Variants in GHR observed in about 807,000 individuals in gnomAD.
The protein encoded by GHR is growth hormone receptor, also known as GH receptor.
In GHR, 35 loss-of-function variants were observed where a neutral mutation model predicts 67.1. The observed-to-expected ratio is 0.52, with a 90% confidence interval of 0.40 to 0.69. GHR has a LOEUF of 0.69. Among genes scored for constraint, GHR ranks in the 30% least tolerant of loss-of-function variants. The pLI, the probability that GHR is intolerant of heterozygous loss-of-function variation, is 0.00. For missense variants in GHR, 792 were observed against 764.6 expected (o/e 1.04, Z -0.42); for synonymous variants, 272 against 269.1 (o/e 1.01, Z -0.10).
At position 42,431,700 on chromosome 5, in the gene GHR, C is replaced by A. The variant is rs564415824; in HGVS notation, c.-12+7745C>A. 3.3e-5 allele frequency among the ~76,000 whole-genome samples: 5 copies of A among 152,220 alleles called. No homozygotes were observed. The South Asian group carries it at 6.2e-4, about 19-fold the overall frequency. On this transcript the variant is annotated intron_variant, in intron 1 of 9. Transcript: ENST00000230882. ...CTTTAGGCTAACATTATTATATTCC[C>A]AATGAATTATACTTCTTAGGTTGTG...
In GHR at chr5:42,424,708, T is replaced by C. The variant is rs1742771404; in HGVS notation, c.-12+753T>C. 9.9e-6 allele frequency: 11 copies of C among 1,109,708 alleles called. No individual in the cohort carries two copies. The highest frequency in any genetic ancestry group is 9.9e-5 in the Admixed American group (5 of 50,500). 68.7% of individuals were successfully genotyped at this position (1,109,708 alleles called of 1,614,324 possible). ...AGAACTGCCAGAGGCTGCGGGTCAA[T>C]GGGGTGGCCGCGTGTCTAGGGAGAG... On this transcript the variant is annotated intron_variant, in intron 1 of 9. Transcript: ENST00000230882. This position sits in a 1 kb window ranked among gnomAD's most constrained non-coding sequence, Gnocchi z 4.1.
intron 1 of GHR, among the ~76,000 whole-genome samples, chr5:42,442,342 A>G (rs1743614669): frequency 6.6e-6 from 1 of 152,244 alleles, no homozygotes; most frequent in Non-Finnish European, 1.5e-5. Context: ...ATTATAAAAT[A>G]TATGAGCCTT....
chr5:42,546,787 T>A (rs1490621138), intron 1 of GHR, among the ~76,000 whole-genome samples: 1 of 152,178 alleles, frequency 6.6e-6, no homozygotes, highest in African/African-American at 2.4e-5. Context: ...TGTCTGAGTG[T>A]TAAGAGGCCA....
At chr5:42,425,258 C>T (rs1231972389) in intron 1 of GHR, among the ~76,000 whole-genome samples, 1 of 152,072 alleles carries the variant, frequency 6.6e-6, no homozygotes, top group African/African-American at 2.4e-5. Context: ...CAGGTTGGAG[C>T]TATGAATTTG....
chr5:42,653,255 A>C (rs1408452298), intron 3 of GHR, among the ~76,000 whole-genome samples: 1 of 152,164 alleles, frequency 6.6e-6, no homozygotes, highest in Non-Finnish European at 1.5e-5. Context: ...ATCTTATAAT[A>C]ATTCAGTAAG....
chr5:42,655,225 A>C (rs892709136), intron 3 of GHR, among the ~76,000 whole-genome samples: 1 of 151,962 alleles, frequency 6.6e-6, no homozygotes, highest in South Asian at 2.1e-4. Context: ...ACATAGTTGC[A>C]TTTTCTTTGA....
At chr5:42,643,952 AAT>A (rs1276674367) in intron 3 of GHR, among the ~76,000 whole-genome samples, 1 of 152,144 alleles carries the variant, frequency 6.6e-6, no homozygotes, top group Non-Finnish European at 1.5e-5. Flanking sequence ...TTTTTGCATG[AAT>A]TGCATTTGAG....
In GHR at chr5:42,701,896, A is replaced by G. The variant is rs561522752; in HGVS notation, c.618+1894A>G. 1.2e-4 allele frequency among the ~76,000 whole-genome samples: 18 copies of G among 152,256 alleles called. No individual in the cohort carries two copies. In the South Asian group the frequency reaches 3.7e-3, roughly 32 times the overall value. Reference sequence around the variant, plus strand: ...TAATCAAATCATGCATGGGGAAATGATCCATTCAAAGTACTAGATAGAATC... The same window carrying G: ...TAATCAAATCATGCATGGGGAAATGGTCCATTCAAAGTACTAGATAGAATC... On this transcript the variant is annotated intron_variant, in intron 6 of 9. Transcript: ENST00000230882.
At chr5:42,654,227 TCTTA>T (rs1304942619) in intron 3 of GHR, among the ~76,000 whole-genome samples, 4 of 152,052 alleles carry the variant, frequency 2.6e-5, no homozygotes, top group Non-Finnish European at 2.9e-5. Context: ...CCTCTCAGAG[TCTTA>T]CTTACCCCAT....
In GHR at chr5:42,424,764, G is replaced by A. The variant is rs935411570; in HGVS notation, c.-12+809G>A. On this transcript the variant is annotated intron_variant, in intron 1 of 9. Transcript: ENST00000230882. The surrounding 1 kb of genome is among the most constrained non-coding windows in gnomAD (Gnocchi z 4.1). ...TGGCGGCGCAGAGGGTGCGGGGCAG[G>A]GCACTTGCGAGTGCGTGGGGAAGTC... is the stretch of plus-strand genomic sequence containing the variant. Among the ~76,000 whole-genome samples the A allele has an allele frequency of 6.6e-6, 1 of 152,242 alleles. No individual in the cohort carries two copies. The highest frequency in any genetic ancestry group is 2.4e-5 in the African/African-American group (1 of 41,472).
At chr5:42,495,424 A>T (rs1561075988) in intron 1 of GHR, among the ~76,000 whole-genome samples, 1 of 152,056 alleles carries the variant, frequency 6.6e-6, no homozygotes, top group African/African-American at 2.4e-5. Context: ...GATTACAATC[A>T]TTTTACCTTT....
intron 2 of GHR, among the ~76,000 whole-genome samples, chr5:42,597,258 C>A (rs1307772963): frequency 6.6e-6 from 1 of 152,082 alleles, no homozygotes; most frequent in Non-Finnish European, 1.5e-5. Flanking sequence ...GCATAAGAGA[C>A]ATAAGTAACC....
At chr5:42,585,982 A>G (rs908040626) in intron 2 of GHR, among the ~76,000 whole-genome samples, 3 of 152,192 alleles carry the variant, frequency 2.0e-5, no homozygotes, top group Admixed American at 6.5e-5. Context: ...CAGTTTCTTC[A>G]TATGTAAAAG....
At chr5:42,552,126 G>C (rs939261688) in intron 1 of GHR, among the ~76,000 whole-genome samples, 1 of 152,190 alleles carries the variant, frequency 6.6e-6, no homozygotes, top group Non-Finnish European at 1.5e-5. Context: ...AACATGGCCA[G>C]GTCATTGAAT....
intron 1 of GHR, among the ~76,000 whole-genome samples, chr5:42,541,125 A>G (rs1748498434): frequency 2.0e-5 from 3 of 152,216 alleles, no homozygotes; most frequent in South Asian, 4.1e-4. Flanking sequence ...GCTATTGTAC[A>G]TGCCTGGAAA....
intron 6 of GHR, among the ~76,000 whole-genome samples, chr5:42,707,235 T>C (rs1222829663): frequency 6.6e-6 from 1 of 152,072 alleles, no homozygotes; most frequent in Non-Finnish European, 1.5e-5. Flanking sequence ...CCAAACACAT[T>C]TTAAATTTTT....
At chr5:42,687,892 C>T (rs1363343630) in intron 3 of GHR, among the ~76,000 whole-genome samples, 1 of 152,034 alleles carries the variant, frequency 6.6e-6, no homozygotes, top group Non-Finnish European at 1.5e-5. Flanking sequence ...CCAAAATGGC[C>T]ATGGACATCA....
At chr5:42,624,465 G>A (rs1280595674) in intron 2 of GHR, among the ~76,000 whole-genome samples, 1 of 152,116 alleles carries the variant, frequency 6.6e-6, no homozygotes, top group African/African-American at 2.4e-5. Context: ...TAACACATAT[G>A]TTTATGTGCT....
chr5:42,521,671 C>T (rs1747481770), intron 1 of GHR, among the ~76,000 whole-genome samples: 1 of 152,052 alleles, frequency 6.6e-6, no homozygotes, highest in Admixed American at 6.5e-5. Context: ...ATTACTTTGG[C>T]TTATTTTCTT....
Sources: allele counts gnomAD v4.1 joint callset (sites outside exome capture counted in the v4.1 genomes callset), GRCh38; gene constraint gnomAD v4.1.1; non-coding constraint Gnocchi (gnomAD v3.1); transcripts MANE v1.5; gene names NCBI Gene and HGNC (gene_info 2026-07-23, HGNC 2026-07-21).